MARCHF10: variants seen among roughly 807,000 people sequenced by gnomAD.
The protein encoded by MARCHF10 is probable E3 ubiquitin-protein ligase MARCHF10.
A neutral mutation model predicts 76.2 loss-of-function variants in MARCHF10; 64 were observed. The observed-to-expected ratio is 0.84, with a 90% CI of 0.69 to 1.03. The LOEUF (loss-of-function observed/expected upper bound fraction) is 1.03. Ranked by LOEUF, MARCHF10 falls within the 50% of genes least tolerant of loss-of-function variation. The probability of loss-of-function intolerance (pLI) is 0.00; values close to 1 mark genes in which losing one functional copy is unlikely to be tolerated. For missense variants in MARCHF10, 875 were observed against 958.0 expected (o/e 0.91, Z 1.14); for synonymous variants, 340 against 357.5 (o/e 0.95, Z 0.55).
intron 3 of MARCHF10, among the ~76,000 whole-genome samples, chr17:62,766,361 A>G (rs1244270368): frequency 6.6e-6 from 1 of 152,020 alleles, no homozygotes; most frequent in African/African-American, 2.4e-5. Flanking sequence ...TTAGCTGGGC[A>G]TGGTGGTGCA....
At chr17:62,749,611 C>T (rs2091827343) in intron 4 of MARCHF10, among the ~76,000 whole-genome samples, 1 of 152,180 alleles carries the variant, frequency 6.6e-6, no homozygotes, top group African/African-American at 2.4e-5. Flanking sequence ...TGTGTTGTCT[C>T]ATGTACCCAG....
At chr17:62,734,424 T>G (rs944425228) in intron 6 of MARCHF10, among the ~76,000 whole-genome samples, 1 of 152,120 alleles carries the variant, frequency 6.6e-6, no homozygotes, top group African/African-American at 2.4e-5. Flanking sequence ...GGTTTGTGTG[T>G]GATGTGTGCG....
intron 9 of MARCHF10, among the ~76,000 whole-genome samples, chr17:62,710,550 C>CTTTTTTTTTTTTT (rs552647502): frequency 5.6e-5 from 5 of 88,620 alleles, no homozygotes; most frequent in African/African-American, 2.5e-4. Context: ...TTGAACCCAG[C>CTTTTTTTTTTTTT]TTTTTTTTTT....
intron 8 of MARCHF10, among the ~76,000 whole-genome samples, chr17:62,715,643 G>A (rs1264251998): frequency 6.6e-6 from 1 of 152,218 alleles, no homozygotes; most frequent in Non-Finnish European, 1.5e-5. Context: ...CAGGAGAAAG[G>A]AGGGCTGTAC....
chr17:62,804,689 A>C (rs889922484), intron 1 of MARCHF10, among the ~76,000 whole-genome samples: 1 of 152,200 alleles, frequency 6.6e-6, no homozygotes, highest in African/African-American at 2.4e-5. Context: ...AAGATATCTA[A>C]GCTCACAAAG....
chr17:62,749,300 C>G (rs992136184), intron 4 of MARCHF10, among the ~76,000 whole-genome samples: 6 of 152,196 alleles, frequency 3.9e-5, no homozygotes, highest in Admixed American at 6.5e-5. Flanking sequence ...CTTCCCAACA[C>G]TTGTCATCCA....
intron 6 of MARCHF10, among the ~76,000 whole-genome samples, chr17:62,726,475 A>C (rs2090761787): frequency 6.6e-6 from 1 of 152,270 alleles, no homozygotes; most frequent in Admixed American, 6.5e-5. Flanking sequence ...TTCAACATTC[A>C]GACTTCAATA....
intron 7 of MARCHF10, 93 bp from the exon 8 acceptor site, chr17:62,722,690 T>A: frequency 9.8e-7 from 1 of 1,016,972 alleles, no homozygotes; most frequent in Non-Finnish European, 1.4e-6. Context: ...TGAACTTGTG[T>A]GTGTTATGAA....
intron 2 of MARCHF10, among the ~76,000 whole-genome samples, chr17:62,791,307 G>A (rs1052816121): frequency 6.6e-6 from 1 of 152,214 alleles, no homozygotes. Flanking sequence ...GCAGATGTCT[G>A]TGCCGTCCTA....
chr17:62,750,788 CT>C (rs2147898892), intron 4 of MARCHF10, among the ~76,000 whole-genome samples: 1 of 152,338 alleles, frequency 6.6e-6, no homozygotes, highest in South Asian at 2.1e-4. Context: ...TCGGGAAGTT[CT>C]TTTCCCCGTA....
At chr17:62,779,822 T>C (rs1229768722) in intron 3 of MARCHF10, among the ~76,000 whole-genome samples, 2 of 152,248 alleles carry the variant, frequency 1.3e-5, no homozygotes, top group East Asian at 1.9e-4. Context: ...GATGGCTGAG[T>C]GCAGTGGCTC....
At chr17:62,744,568 C>T in intron 4 of MARCHF10, 40 bp from the exon 5 acceptor site, 1 of 1,607,376 alleles carries the variant, frequency 6.2e-7, no homozygotes, top group Non-Finnish European at 8.5e-7. Flanking sequence ...ATTTTGTTTA[C>T]AGGAAAATGT....
At chr17:62,722,391 CCTT>C (rs1395164204) in intron 8 of MARCHF10, 94 bp downstream of exon 8, 6 of 798,746 alleles carry the variant, frequency 7.5e-6, no homozygotes, top group African/African-American at 6.9e-5. Flanking sequence ...CCAGCAGAGA[CCTT>C]CTACATTTCT....
chr17:62,731,696 A>C (rs1243995806), intron 6 of MARCHF10, among the ~76,000 whole-genome samples: 1 of 152,222 alleles, frequency 6.6e-6, no homozygotes, highest in Non-Finnish European at 1.5e-5. Flanking sequence ...CAATTTGACA[A>C]TATACATTAA....
At chr17:62,745,279 T>C in intron 4 of MARCHF10, among the ~76,000 whole-genome samples, 1 of 151,836 alleles carries the variant, frequency 6.6e-6, no homozygotes, top group East Asian at 2.0e-4. Flanking sequence ...AATTTTCGTA[T>C]TTTTAGTAGA....
chr17:62,715,930 G>A (rs1238351501), intron 8 of MARCHF10, among the ~76,000 whole-genome samples: 1 of 152,140 alleles, frequency 6.6e-6, no homozygotes, highest in East Asian at 1.9e-4. Flanking sequence ...ACTCTCAAAG[G>A]CCACCGACAG....
chr17:62,784,263 T>A (rs1370815547), intron 3 of MARCHF10, among the ~76,000 whole-genome samples: 1 of 152,144 alleles, frequency 6.6e-6, no homozygotes, highest in Non-Finnish European at 1.5e-5. Flanking sequence ...ACAGAACCAA[T>A]GACAAAAACC....
intron 7 of MARCHF10, among the ~76,000 whole-genome samples, chr17:62,722,846 C>A (rs1420271590): frequency 1.3e-5 from 2 of 151,956 alleles, no homozygotes; most frequent in African/African-American, 4.8e-5. Context: ...AATAGCAGAT[C>A]TTGCTTTCTA....
chr17:62,702,838 G>C (rs1304283604), intron 10 of MARCHF10, among the ~76,000 whole-genome samples: 1 of 151,944 alleles, frequency 6.6e-6, no homozygotes, highest in Non-Finnish European at 1.5e-5. Context: ...CCATCCCCTC[G>C]TCCATCCTGC....
Sources: gnomAD v4.1 joint callset for allele counts (sites outside exome capture counted in the v4.1 genomes callset) on GRCh38, gnomAD v4.1.1 for gene constraint, MANE v1.5 for transcripts, NCBI Gene and HGNC (gene_info 2026-07-23, HGNC 2026-07-21) for gene names.